Variants in EIPR1 observed in about 807,000 individuals in gnomAD.
The protein encoded by EIPR1 is EARP complex and GARP complex interacting protein 1.
A neutral mutation model predicts 48.1 loss-of-function variants in EIPR1; 25 were observed. The observed-to-expected ratio is 0.52, with a 90% confidence interval of 0.38 to 0.73. The LOEUF is 0.73. Among genes scored for constraint, EIPR1 ranks in the 30% least tolerant of loss-of-function variants. The probability of loss-of-function intolerance (pLI) is 0.00; values close to 1 mark genes in which losing one functional copy is unlikely to be tolerated. For missense variants in EIPR1, 415 were observed against 506.2 expected (o/e 0.82, Z 1.73); for synonymous variants, 204 against 201.9 (o/e 1.01, Z -0.09).
intron 3 of EIPR1, among the ~76,000 whole-genome samples, chr2:3,264,437 C>G (rs956384631): frequency 5.3e-5 from 8 of 152,218 alleles, no homozygotes; most frequent in African/African-American, 1.9e-4. Flanking sequence ...CAATCATCTT[C>G]AGCTTGCCAT....
intron 1 of EIPR1, among the ~76,000 whole-genome samples, chr2:3,372,498 GA>G (rs1558325699): frequency 6.6e-6 from 1 of 151,726 alleles, no homozygotes; most frequent in Non-Finnish European, 1.5e-5. Context: ...GACTAATAAA[GA>G]AAAAAAGAGA....
intron 1 of EIPR1, among the ~76,000 whole-genome samples, chr2:3,370,512 A>G (rs1026964367): frequency 1.2e-4 from 19 of 152,148 alleles, no homozygotes; most frequent in Admixed American, 2.0e-4. Context: ...CGAATGTATA[A>G]CTAGAATAAC....
At chr2:3,372,538 C>T (rs138711592) in intron 1 of EIPR1, among the ~76,000 whole-genome samples, 24,643 of 152,070 alleles carry the variant, frequency 0.16, 2,230 homozygotes, top group Non-Finnish European at 0.21. Flanking sequence ...TAAAAAATGA[C>T]GAAGGGGATA....
intron 3 of EIPR1, among the ~76,000 whole-genome samples, chr2:3,268,208 C>T (rs566453696): frequency 6.6e-6 from 1 of 152,104 alleles, no homozygotes; most frequent in Non-Finnish European, 1.5e-5. Flanking sequence ...ACACCAGCTC[C>T]GGGAGGCCTG....
At chr2:3,294,451 C>CA in intron 3 of EIPR1, among the ~76,000 whole-genome samples, 2 of 116,944 alleles carry the variant, frequency 1.7e-5, no homozygotes, top group East Asian at 2.9e-4. Context: ...CATCCTCTCT[C>CA]CAAACACACA....
Position 3,377,700 on chromosome 2 carries a change from A to G in EIPR1, c.-11T>C. 1.3e-6 allele frequency: 2 copies of G among 1,576,686 alleles called. No individual in the cohort carries two copies. On this transcript the variant is annotated 5_prime_UTR_variant, in exon 1 of 9. Transcript: ENST00000382125. ...TGCATCGTCCTCCATGCTGCGGGGAAGCGACCCGACCCCGGCCACTCACAC... is the reference window on the plus strand; with the variant it reads ...TGCATCGTCCTCCATGCTGCGGGGAGGCGACCCGACCCCGGCCACTCACAC...
At chr2:3,351,045 C>T (rs1670561117) in intron 2 of EIPR1, among the ~76,000 whole-genome samples, 1 of 150,862 alleles carries the variant, frequency 6.6e-6, no homozygotes, top group African/African-American at 2.4e-5. Flanking sequence ...GTCACCCAGC[C>T]TGGAGTGCAG....
chr2:3,307,717 A>G (rs1054051065), intron 3 of EIPR1, among the ~76,000 whole-genome samples: 4 of 152,240 alleles, frequency 2.6e-5, no homozygotes, highest in African/African-American at 4.8e-5. Context: ...AGGGATGAAG[A>G]GAAGCTGGTG....
chr2:3,318,606 T>TAACAC (rs1036328366), intron 3 of EIPR1, among the ~76,000 whole-genome samples: 1 of 152,160 alleles, frequency 6.6e-6, no homozygotes. Context: ...CTCATTTCCA[T>TAACAC]AACACAACTA....
intron 3 of EIPR1, chr2:3,282,682 G>GCGCTCC (rs1398232158): frequency 2.6e-5 from 4 of 152,376 alleles, no homozygotes; most frequent in Non-Finnish European, 5.9e-5. Flanking sequence ...ATTGAAGTGT[G>GCGCTCC]CGCTCCCGAG....
intron 3 of EIPR1, among the ~76,000 whole-genome samples, chr2:3,299,758 C>T (rs966991264): frequency 2.6e-5 from 4 of 151,980 alleles, no homozygotes; most frequent in Non-Finnish European, 4.4e-5. Flanking sequence ...CAATCTTATA[C>T]GTCCCTAAGA....
At chr2:3,301,643 G>A (rs1668765286) in intron 3 of EIPR1, among the ~76,000 whole-genome samples, 1 of 152,214 alleles carries the variant, frequency 6.6e-6, no homozygotes, top group African/African-American at 2.4e-5. Flanking sequence ...CGAGAAAAGT[G>A]TTTCTGGTCT....
chr2:3,270,310 C>T (rs1036192264), intron 3 of EIPR1, among the ~76,000 whole-genome samples: 11 of 152,188 alleles, frequency 7.2e-5, no homozygotes, highest in South Asian at 2.1e-4. Context: ...TGCCAACACT[C>T]CCGCAGAGGG....
intron 3 of EIPR1, among the ~76,000 whole-genome samples, chr2:3,333,740 C>G (rs1468016754): frequency 2.0e-5 from 3 of 146,896 alleles, no homozygotes; most frequent in Non-Finnish European, 4.5e-5. Context: ...AAGAGCAAGA[C>G]CCTACCTCCA....
intron 3 of EIPR1, among the ~76,000 whole-genome samples, chr2:3,293,784 T>C (rs1314771726): frequency 6.6e-6 from 1 of 152,224 alleles, no homozygotes; most frequent in African/African-American, 2.4e-5. Context: ...TTTAAGGCAA[T>C]GATCAAGTCA....
intron 6 of EIPR1, among the ~76,000 whole-genome samples, chr2:3,194,977 G>C (rs978831695): frequency 4.6e-5 from 7 of 152,238 alleles, no homozygotes; most frequent in African/African-American, 1.7e-4. Flanking sequence ...ACACTCACGC[G>C]TGCATCTGTG....
chr2:3,197,023 A>G lies in EIPR1; in HGVS notation c.517-6T>C, dbSNP rs201287227. ...AGGGACGCTGAGCTGGCCAGCTGGG[A>G]GTGTCACGATGTTTTCCAAAGGAAG... On this transcript the variant is annotated splice_region_variant and splice_polypyrimidine_tract_variant and intron_variant, in intron 5 of 8. Coordinates refer to ENST00000382125, the MANE Select transcript of EIPR1 (RefSeq NM_003310.5). The G allele has an allele frequency of 5.0e-6, 8 of 1,613,432 alleles. No individual in the cohort carries two copies. In the East Asian group the frequency reaches 1.8e-4, roughly 36 times the overall value.
chr2:3,295,238 T>C (rs1320057732), intron 3 of EIPR1, among the ~76,000 whole-genome samples: 4,449 of 23,422 alleles, frequency 0.19, no homozygotes, highest in African/African-American at 0.21. Context: ...TCTCCACACA[T>C]ACACCCTCCA....
intron 3 of EIPR1, among the ~76,000 whole-genome samples, chr2:3,310,935 G>A (rs1287277848): frequency 1.3e-5 from 2 of 151,628 alleles, no homozygotes; most frequent in African/African-American, 2.4e-5. Context: ...ATAATTGCTG[G>A]GTAAAAAATA....
Sources: gnomAD v4.1 joint callset for allele counts (sites outside exome capture counted in the v4.1 genomes callset) on GRCh38, gnomAD v4.1.1 for gene constraint, MANE v1.5 for transcripts, NCBI Gene and HGNC (gene_info 2026-07-23, HGNC 2026-07-21) for gene names.